PCOLCE2: variants seen among roughly 807,000 people sequenced by gnomAD.
PCOLCE2 encodes the protein procollagen C-proteinase enhancer 2.
In PCOLCE2, 42 loss-of-function variants were observed where a neutral mutation model predicts 47.0. The ratio of observed to expected loss-of-function variants is 0.89; its 90% CI spans 0.70 to 1.16. The LOEUF is 1.16. Ranked by LOEUF, PCOLCE2 falls within the 50% of genes most tolerant of loss-of-function variation. The pLI, the probability that PCOLCE2 is intolerant of heterozygous loss-of-function variation, is 0.00. For synonymous variants in PCOLCE2, 169 were observed against 191.7 expected, an observed-to-expected ratio of 0.88 and a Z score of 0.98; for missense variants, 500 against 526.1, an observed-to-expected ratio of 0.95 and a Z score of 0.49.
rs1171510826 is a variant in PCOLCE2 at position 142,881,161 on chromosome 3, A to C, written c.192+6508T>G. Among the ~76,000 whole-genome samples, 7 of 152,332 alleles carry C rather than the reference A, an allele frequency of 4.6e-5. No homozygotes were observed. In the East Asian group the frequency reaches 9.6e-4, roughly 21 times the overall value. On this transcript the variant is annotated intron_variant, in intron 2 of 8. Coordinates refer to ENST00000295992, the MANE Select transcript of PCOLCE2 (RefSeq NM_013363.4). Reference sequence around the variant, plus strand: ...AATGCCTACTACACAGGAAGTGCTCAAAAACTCTTGGTGAATATTTGATAA... The same window carrying C: ...AATGCCTACTACACAGGAAGTGCTCCAAAACTCTTGGTGAATATTTGATAA...
intron 2 of PCOLCE2, among the ~76,000 whole-genome samples, chr3:142,867,647 T>G (rs189998290): frequency 6.6e-6 from 1 of 151,226 alleles, no homozygotes; most frequent in African/African-American, 2.4e-5. Context: ...AAATGACAAC[T>G]AAAATCACAA....
chr3:142,821,993 C>G (rs946949113), intron 7 of PCOLCE2, among the ~76,000 whole-genome samples: 2 of 152,090 alleles, frequency 1.3e-5, no homozygotes, highest in Non-Finnish European at 2.9e-5. Flanking sequence ...TCTCAGCTCA[C>G]TGCAACCTCC....
chr3:142,826,747 T>C (rs1444647747), intron 6 of PCOLCE2, among the ~76,000 whole-genome samples: 1 of 152,180 alleles, frequency 6.6e-6, no homozygotes, highest in African/African-American at 2.4e-5. Context: ...GTAGACTCCA[T>C]GTCATGAAAC....
Position 142,888,916 on chromosome 3 carries a change from G to A in PCOLCE2, c.-20C>T, listed in dbSNP as rs372026535. Reference sequence around the variant, plus strand: ...CCTCATGGCAGCGTAGACGCTCGGGGTTTGCACCCCACGGCGCGCGCGCCG... The same window carrying A: ...CCTCATGGCAGCGTAGACGCTCGGGATTTGCACCCCACGGCGCGCGCGCCG... On this transcript the variant is annotated 5_prime_UTR_variant, in exon 1 of 9. Transcript: ENST00000295992. 429 of 1,382,744 alleles carry A rather than the reference G, an allele frequency of 3.1e-4. No individual in the cohort carries two copies. Among genetic ancestry groups the A allele is most frequent in the Non-Finnish European group, 3.9e-4 (415 of 1,056,200 alleles). The allele number at this position is 1,382,744 out of a possible 1,614,324, so 85.7% of individuals were successfully genotyped here. A position where few individuals can be genotyped will look rare whatever the true frequency, so the allele number is the denominator to read the frequency against.
intron 5 of PCOLCE2, among the ~76,000 whole-genome samples, chr3:142,831,390 CAAG>C (rs2108188589): frequency 6.6e-6 from 1 of 152,346 alleles, no homozygotes; most frequent in African/African-American, 2.4e-5. Flanking sequence ...TCCCCACCAG[CAAG>C]AAGGCTCTCC....
intron 2 of PCOLCE2, among the ~76,000 whole-genome samples, chr3:142,876,865 C>T (rs1443473370): frequency 6.6e-6 from 1 of 152,186 alleles, no homozygotes; most frequent in East Asian, 1.9e-4. Context: ...AGCCCAGATT[C>T]AATGCTGGGG....
At chr3:142,848,573 T>G in intron 2 of PCOLCE2, 101 bp from the exon 3 acceptor site, 184 of 1,052,970 alleles carry the variant, frequency 1.7e-4, no homozygotes, top group Non-Finnish European at 2.3e-4. Context: ...ATATCCAAGA[T>G]AATGCTTTTT....
At chr3:142,855,460 A>C (rs1001217615) in intron 2 of PCOLCE2, among the ~76,000 whole-genome samples, 4 of 152,216 alleles carry the variant, frequency 2.6e-5, no homozygotes, top group African/African-American at 9.6e-5. Context: ...AATGGCTGAC[A>C]GCGGTTATGA....
At chr3:142,823,319 G>A (rs555165889) in intron 7 of PCOLCE2, among the ~76,000 whole-genome samples, 1 of 152,170 alleles carries the variant, frequency 6.6e-6, no homozygotes, top group East Asian at 1.9e-4. Context: ...AAATTATTAA[G>A]CTTATATGAA....
intron 7 of PCOLCE2, among the ~76,000 whole-genome samples, chr3:142,823,010 A>G (rs1383894037): frequency 6.6e-6 from 1 of 152,318 alleles, no homozygotes; most frequent in East Asian, 1.9e-4. Flanking sequence ...AAAATTCTAA[A>G]TCATTAAAGA....
chr3:142,856,436 C>T (rs974753893), intron 2 of PCOLCE2, among the ~76,000 whole-genome samples: 13 of 152,274 alleles, frequency 8.5e-5, no homozygotes, highest in African/African-American at 2.2e-4. Context: ...GGCTACAAAA[C>T]GAACAAGACA....
chr3:142,855,020 G>A (rs1933035785), intron 2 of PCOLCE2, among the ~76,000 whole-genome samples: 1 of 152,140 alleles, frequency 6.6e-6, no homozygotes, highest in African/African-American at 2.4e-5. Flanking sequence ...CTCCGAGCTG[G>A]TTCCCACCTA....
In PCOLCE2 at chr3:142,818,304, A is replaced by AT; in HGVS notation, c.*30_*31insA. The AT allele has an allele frequency of 1.9e-6, 3 of 1,601,004 alleles. No homozygotes were observed. Among genetic ancestry groups the AT allele is most frequent in the Non-Finnish European group, 2.6e-6 (3 of 1,168,684 alleles). On this transcript the variant is annotated 3_prime_UTR_variant, in exon 9 of 9. Coordinates refer to ENST00000295992, the MANE Select transcript of PCOLCE2 (RefSeq NM_013363.4). ...ACATAGATCTTTCAAAGGCAATGGC[A>AT]GAATACAGCTTAAATGGACACAGTT...
chr3:142,861,151 G>A lies in PCOLCE2; in HGVS notation c.193-12679C>T, dbSNP rs531333808. ...TAGCTTTAAATGGTTTTCTCAGAAC[G>A]CTAAAGGCTTTGCTCCACTGCCTTC... On this transcript the variant is annotated intron_variant, in intron 2 of 8. Transcript: ENST00000295992. Among the ~76,000 whole-genome samples, 3 of 152,318 alleles carry A rather than the reference G, an allele frequency of 2.0e-5. No individual in the cohort carries two copies. The East Asian group carries it at 5.8e-4, about 29-fold the overall frequency.
rs1386704981 is a variant in PCOLCE2 at position 142,889,068 on chromosome 3, G to C, written c.-172C>G. 7.8e-6 allele frequency: 3 copies of C among 385,116 alleles called. No individual in the cohort carries two copies. Among genetic ancestry groups the C allele is most frequent in the Admixed American group, 4.5e-5 (1 of 22,028 alleles). The allele number at this position is 385,116 out of a possible 1,614,324, so 23.9% of individuals were successfully genotyped here. ...GCGCGCACCGCCGCGGGGCGGCCCA[G>C]GTAGCCGGGGGATACGCGGCCGGCA... On this transcript the variant is annotated 5_prime_UTR_variant, in exon 1 of 9. Transcript: ENST00000295992.
intron 3 of PCOLCE2, among the ~76,000 whole-genome samples, chr3:142,843,915 T>C (rs551306464): frequency 6.6e-6 from 1 of 152,254 alleles, no homozygotes; most frequent in African/African-American, 2.4e-5. Flanking sequence ...AATTTCTAAA[T>C]CTCCATTTAA....
At position 142,835,121 on chromosome 3, in the gene PCOLCE2, A is replaced by G. The variant is rs1420024300; in HGVS notation, c.710+3649T>C. Among the ~76,000 whole-genome samples, 3 of 152,066 alleles carry G rather than the reference A, an allele frequency of 2.0e-5. No homozygotes were observed. In the East Asian group the frequency reaches 5.8e-4, roughly 29 times the overall value. ...TGTTTTTCAAATCTTCTACCTCCTA[A>G]TTTCCCATCTTTCTCTCATTAACAG... is the stretch of plus-strand genomic sequence containing the variant. On this transcript the variant is annotated intron_variant, in intron 5 of 8. Coordinates refer to ENST00000295992, the MANE Select transcript of PCOLCE2 (RefSeq NM_013363.4).
In PCOLCE2 at chr3:142,868,600, C is replaced by T. The variant is rs555372565; in HGVS notation, c.192+19069G>A. 4.1e-4 allele frequency among the ~76,000 whole-genome samples: 63 copies of T among 152,290 alleles called. 1 individual carries two copies. The highest frequency in any genetic ancestry group is 3.4e-3 in the Middle Eastern group (1 of 294). On this transcript the variant is annotated intron_variant, in intron 2 of 8. Coordinates refer to ENST00000295992, the MANE Select transcript of PCOLCE2 (RefSeq NM_013363.4). Reference sequence around the variant, plus strand: ...CATTCAGATTACCTGCTACCTGCTCCGCCCTGACTCATTCTCCACCTTGCA... The same window carrying T: ...CATTCAGATTACCTGCTACCTGCTCTGCCCTGACTCATTCTCCACCTTGCA...
intron 7 of PCOLCE2, among the ~76,000 whole-genome samples, chr3:142,821,367 G>A (rs1463900141): frequency 6.6e-6 from 1 of 152,092 alleles, no homozygotes; most frequent in Non-Finnish European, 1.5e-5. Context: ...GGATAGTCTG[G>A]CTTATGAGGC....
Sources: gnomAD v4.1 joint callset for allele counts (sites outside exome capture counted in the v4.1 genomes callset) on GRCh38, gnomAD v4.1.1 for gene constraint, MANE v1.5 for transcripts, NCBI Gene and HGNC (gene_info 2026-07-23, HGNC 2026-07-21) for gene names.